STXBP6: variants seen among roughly 807,000 people sequenced by gnomAD.
STXBP6 encodes the protein syntaxin-binding protein 6.
STXBP6 carries 21 observed loss-of-function variants against 26.9 expected under a neutral mutation model. The observed-to-expected ratio is 0.78, with a 90% CI of 0.55 to 1.12. STXBP6 has a LOEUF of 1.12. Ranked by LOEUF, STXBP6 falls within the 50% of genes most tolerant of loss-of-function variation. The probability of loss-of-function intolerance (pLI) is 0.00; values close to 1 mark genes in which losing one functional copy is unlikely to be tolerated. For missense variants in STXBP6, 232 were observed against 257.9 expected, an observed-to-expected ratio of 0.90 and a Z score of 0.69; for synonymous variants, 97 against 92.6, an observed-to-expected ratio of 1.05 and a Z score of -0.27.
chr14:25,001,772 C>A (rs1412741206), intron 1 of STXBP6, among the ~76,000 whole-genome samples: 2 of 152,202 alleles, frequency 1.3e-5, no homozygotes, highest in Non-Finnish European at 2.9e-5. Flanking sequence ...TTTTGGCATG[C>A]CTTGTAATTT....
At chr14:24,905,361 G>A (rs1231072949) in intron 2 of STXBP6, among the ~76,000 whole-genome samples, 2 of 152,168 alleles carry the variant, frequency 1.3e-5, no homozygotes, top group Admixed American at 6.6e-5. Context: ...ACTTACAGGA[G>A]TGTTATATTG....
At chr14:24,841,506 T>C (rs1268701908) in intron 4 of STXBP6, among the ~76,000 whole-genome samples, 2 of 152,224 alleles carry the variant, frequency 1.3e-5, no homozygotes, top group African/African-American at 4.8e-5. Flanking sequence ...AAATACTGGT[T>C]TTCTGCCATT....
At chr14:24,946,586 C>T (rs1377316151) in intron 2 of STXBP6, among the ~76,000 whole-genome samples, 2 of 152,154 alleles carry the variant, frequency 1.3e-5, no homozygotes, top group Non-Finnish European at 2.9e-5. Flanking sequence ...AGGGGTACCC[C>T]ATAACCTCAT....
chr14:24,818,207 C>A, intron 5 of STXBP6: 1 of 444,860 alleles, frequency 2.2e-6, no homozygotes. Context: ...AAACCACTAA[C>A]CAGAAAAAAA....
At chr14:24,942,681 G>C (rs2072844733) in intron 2 of STXBP6, among the ~76,000 whole-genome samples, 1 of 152,248 alleles carries the variant, frequency 6.6e-6, no homozygotes, top group South Asian at 2.1e-4. Flanking sequence ...AGGTCAGGTA[G>C]TGCTGTGAAG....
intron 5 of STXBP6, among the ~76,000 whole-genome samples, chr14:24,814,274 T>C (rs1298704846): frequency 6.6e-6 from 1 of 152,218 alleles, no homozygotes; most frequent in Non-Finnish European, 1.5e-5. Context: ...CTCAGATCTG[T>C]ACCACTTCCT....
intron 2 of STXBP6, among the ~76,000 whole-genome samples, chr14:24,968,264 T>C (rs2073797775): frequency 6.6e-6 from 1 of 151,114 alleles, no homozygotes; most frequent in African/African-American, 2.4e-5. Context: ...TCAGTGTGAA[T>C]TTCTTCGTTT....
At chr14:24,977,153 C>T (rs977107282) in intron 1 of STXBP6, among the ~76,000 whole-genome samples, 35 of 152,106 alleles carry the variant, frequency 2.3e-4, no homozygotes, top group Admixed American at 1.4e-3. Context: ...CATGAGCCAC[C>T]GCGCCCTGTC....
At chr14:24,977,970 A>G (rs1264767492) in intron 1 of STXBP6, among the ~76,000 whole-genome samples, 1 of 152,240 alleles carries the variant, frequency 6.6e-6, no homozygotes, top group Non-Finnish European at 1.5e-5. Context: ...GATTCATTCT[A>G]TGTGAAATTA....
intron 2 of STXBP6, among the ~76,000 whole-genome samples, chr14:24,914,883 T>C (rs545575736): frequency 6.6e-6 from 1 of 152,326 alleles, no homozygotes; most frequent in South Asian, 2.1e-4. Context: ...ATTTTGCTCA[T>C]TTTCAGAAAA....
chr14:24,884,853 C>A (rs971189019), intron 2 of STXBP6, among the ~76,000 whole-genome samples: 3 of 152,194 alleles, frequency 2.0e-5, no homozygotes, highest in Admixed American at 6.5e-5. Context: ...AAGCTCCTCA[C>A]TATGTCTTGA....
chr14:24,830,730 AG>A (rs778170045), intron 4 of STXBP6, among the ~76,000 whole-genome samples: 12 of 152,152 alleles, frequency 7.9e-5, no homozygotes, highest in Non-Finnish European at 1.3e-4. Flanking sequence ...CTAAGTCATT[AG>A]CATAGAGACA....
chr14:24,891,378 A>T (rs1241616), intron 2 of STXBP6, among the ~76,000 whole-genome samples: 3 of 151,990 alleles, frequency 2.0e-5, no homozygotes, highest in Non-Finnish European at 4.4e-5. Context: ...TTGAATACTC[A>T]GTTCATATCC....
chr14:24,892,201 AT>A (rs35167994), intron 2 of STXBP6, among the ~76,000 whole-genome samples: 60,196 of 149,650 alleles, frequency 0.4, 12,283 homozygotes, highest in East Asian at 0.43. Context: ...TGTATACATT[AT>A]TTTTTTTTTT....
At chr14:24,961,292 A>T (rs1454592204) in intron 2 of STXBP6, among the ~76,000 whole-genome samples, 2 of 152,096 alleles carry the variant, frequency 1.3e-5, no homozygotes. Flanking sequence ...AAGGGAGAGG[A>T]ACAGAAAAAA....
intron 1 of STXBP6, among the ~76,000 whole-genome samples, chr14:25,032,244 T>A (rs1212239784): frequency 6.6e-6 from 1 of 152,138 alleles, no homozygotes; most frequent in South Asian, 2.1e-4. Context: ...ATCACCACAC[T>A]GGAACTAGCC....
At chr14:24,862,930 G>A (rs904418375) in intron 2 of STXBP6, among the ~76,000 whole-genome samples, 4 of 152,154 alleles carry the variant, frequency 2.6e-5, no homozygotes, top group African/African-American at 9.7e-5. Flanking sequence ...ATATGCCAAC[G>A]AGGAAGCGGC....
intron 1 of STXBP6, among the ~76,000 whole-genome samples, chr14:25,024,669 TC>T (rs140302891): frequency 0.055 from 8,386 of 152,218 alleles, 282 homozygotes; most frequent in Non-Finnish European, 0.072. Flanking sequence ...TTGACTTTTC[TC>T]CAACTCCTAG....
At chr14:24,862,126 T>C (rs2069561190) in intron 2 of STXBP6, among the ~76,000 whole-genome samples, 1 of 152,120 alleles carries the variant, frequency 6.6e-6, no homozygotes, top group South Asian at 2.1e-4. Context: ...GCCTCCCAAC[T>C]AGCTGGGACT....
Sources: gnomAD v4.1 joint callset for allele counts (sites outside exome capture counted in the v4.1 genomes callset) on GRCh38, gnomAD v4.1.1 for gene constraint, MANE v1.5 for transcripts, NCBI Gene and HGNC (gene_info 2026-07-23, HGNC 2026-07-21) for gene names.